SENP6: variants seen among roughly 807,000 people sequenced by gnomAD.
SENP6 encodes sentrin-specific protease 6.
Under a neutral mutation model 134.5 loss-of-function variants are expected in SENP6, and 41 were observed. The observed-to-expected ratio is 0.30, with a 90% CI of 0.24 to 0.40. SENP6 has a LOEUF of 0.40. Among genes scored for constraint, SENP6 ranks in the 10% least tolerant of loss-of-function variants. SENP6 has a pLI of 1.00. For synonymous variants in SENP6, 395 were observed against 429.8 expected (o/e 0.92, Z 1.00); for missense variants, 1,248 against 1,312.5 (o/e 0.95, Z 0.76).
chr6:75,710,343 A>G (rs1582912808), intron 20 of SENP6, among the ~76,000 whole-genome samples: 1 of 152,326 alleles, frequency 6.6e-6, no homozygotes, highest in Non-Finnish European at 1.5e-5. Context: ...ATCTGTGAAA[A>G]TACTTTACTT....
At chr6:75,615,224 A>G (rs1445000264) in intron 1 of SENP6, among the ~76,000 whole-genome samples, 2 of 150,936 alleles carry the variant, frequency 1.3e-5, no homozygotes, top group Non-Finnish European at 2.9e-5. Context: ...TGTGTCGCGC[A>G]GGCTGAAGTG....
chr6:75,699,354 C>CTTTTTT lies in SENP6; in HGVS notation c.2288+1852_2288+1857dup, dbSNP rs71544060. Among the ~76,000 whole-genome samples the CTTTTTT allele has an allele frequency of 5.0e-4, 57 of 115,004 alleles. 2 individuals are homozygous for CTTTTTT. The highest frequency in any genetic ancestry group is 1.0e-3 in the African/African-American group (32 of 31,176). The allele number at this position is 115,004 out of a possible 152,430, so 75.4% of individuals were successfully genotyped here. ...TCAAGAGAGCTTGTTTTTGTTTTTGCTTTTTTTTTTTTTTTTTTTTGAAGA... is the reference window on the plus strand; with the variant it reads ...TCAAGAGAGCTTGTTTTTGTTTTTGCTTTTTTTTTTTTTTTTTTTTTTTTTTGAAGA... On this transcript the variant is annotated intron_variant, in intron 18 of 23. Transcript: ENST00000447266.
chr6:75,678,744 T>C (rs1186615615), intron 15 of SENP6, 52 bp downstream of exon 15: 1 of 1,389,460 alleles, frequency 7.2e-7, no homozygotes, highest in Non-Finnish European at 1.0e-6. Context: ...TTCTCTGTTT[T>C]ATTACATTTC....
intron 1 of SENP6, among the ~76,000 whole-genome samples, chr6:75,605,276 C>CT (rs1266692815): frequency 2.6e-5 from 4 of 152,202 alleles, no homozygotes; most frequent in Non-Finnish European, 4.4e-5. Context: ...GCATCCTACT[C>CT]TAACAGTCAG....
At position 75,678,859 on chromosome 6, in the gene SENP6, C is replaced by A; in HGVS notation, c.2007C>A (p.Thr669=). The A allele has an allele frequency of 3.1e-6, 5 of 1,608,156 alleles. No homozygotes were observed. In the South Asian group the frequency reaches 5.5e-5, roughly 18 times the overall value. ...CAGCTAAGGGAGGCATCTCTGTTAC[C>A]AATGAGGACCTGCACTGTCTAAATG... is the stretch of plus-strand genomic sequence containing the variant. The part of the protein sequence containing the change: ...PPPAKGGISV[T]NEDLHCLNEG... The change falls in exon 16 of 24, where the codon ACC becomes ACA. Residue 669 remains threonine, a synonymous_variant. Transcript: ENST00000447266.
intron 7 of SENP6, among the ~76,000 whole-genome samples, chr6:75,654,785 C>T (rs1411290666): frequency 1.3e-5 from 2 of 152,188 alleles, no homozygotes; most frequent in Admixed American, 6.5e-5. Flanking sequence ...CTCTTCCTTA[C>T]CCTGCTTCTC....
At position 75,654,604 on chromosome 6, in the gene SENP6, A is replaced by G. The variant is rs73456917; in HGVS notation, c.551-4658A>G. 1.6e-3 allele frequency among the ~76,000 whole-genome samples: 250 copies of G among 152,288 alleles called. 2 individuals carry two copies. The highest frequency in any genetic ancestry group is 5.8e-3 in the African/African-American group (243 of 41,564). The stretch of plus-strand genomic sequence containing the variant: ...CAGTAGCAGCTACATGATGGAGAAA[A>G]CCATTTTTCTAGTTTGTCTTTCTCT... On this transcript the variant is annotated intron_variant, in intron 7 of 23. Transcript: ENST00000447266.
chr6:75,613,562 G>T (rs1383100398), intron 1 of SENP6, among the ~76,000 whole-genome samples: 1 of 151,914 alleles, frequency 6.6e-6, no homozygotes, highest in Non-Finnish European at 1.5e-5. Flanking sequence ...TAAAAAGGTG[G>T]ATATAACCTA....
At chr6:75,633,791 A>G (rs1769293064) in intron 4 of SENP6, 65 bp downstream of exon 4, 2 of 1,416,288 alleles carry the variant, frequency 1.4e-6, no homozygotes, top group Non-Finnish European at 1.9e-6. Flanking sequence ...CCAAAAACTT[A>G]GAAGCTAATA....
At chr6:75,679,230 A>G in intron 16 of SENP6, 1 of 239,870 alleles carries the variant, frequency 4.2e-6, no homozygotes, top group Non-Finnish European at 7.9e-6. Context: ...CCTGGGAAAC[A>G]AAGTGAGACC....
chr6:75,628,729 T>C (rs1264782713), intron 3 of SENP6, among the ~76,000 whole-genome samples: 1 of 152,224 alleles, frequency 6.6e-6, no homozygotes, highest in Non-Finnish European at 1.5e-5. Flanking sequence ...TACAATTCTT[T>C]TTTTATTTGA....
chr6:75,662,532 G>C (rs1459786734), intron 8 of SENP6, among the ~76,000 whole-genome samples: 2 of 152,132 alleles, frequency 1.3e-5, no homozygotes, highest in Non-Finnish European at 2.9e-5. Flanking sequence ...GCAGTATTGA[G>C]ATTCTAGTTT....
intron 1 of SENP6, chr6:75,620,762 G>C (rs1768211422): frequency 6.6e-6 from 1 of 152,210 alleles, no homozygotes; most frequent in Non-Finnish European, 1.5e-5. Flanking sequence ...GTTCTGTTTT[G>C]TTTTTCCCTA....
At chr6:75,711,506 T>C in intron 21 of SENP6, 90 bp downstream of exon 21, 1 of 778,212 alleles carries the variant, frequency 1.3e-6, no homozygotes, top group Non-Finnish European at 2.0e-6. Context: ...AAATAAATAC[T>C]TAAGCAAAAC....
At chr6:75,619,471 G>A (rs1007332798) in intron 1 of SENP6, among the ~76,000 whole-genome samples, 2 of 146,108 alleles carry the variant, frequency 1.4e-5, no homozygotes, top group African/African-American at 5.2e-5. Flanking sequence ...GTGTGTGTGT[G>A]TGTACATATG....
At chr6:75,607,166 A>G (rs1327704666) in intron 1 of SENP6, among the ~76,000 whole-genome samples, 1 of 152,032 alleles carries the variant, frequency 6.6e-6, no homozygotes, top group African/African-American at 2.4e-5. Flanking sequence ...TGAGCAACAT[A>G]GTGAGCCCGT....
rs1309323641 is a variant in SENP6 at position 75,707,524 on chromosome 6, G to A, written c.2717-2003G>A. On this transcript the variant is annotated intron_variant, in intron 19 of 23. Coordinates refer to ENST00000447266, the MANE Select transcript of SENP6 (RefSeq NM_015571.4). ...GACTATAGGCATGTGTCACCTGCCC[G>A]GCAAAATTTATTTTCTGTAGAGACG... Among the ~76,000 whole-genome samples, 5 of 151,112 alleles carry A rather than the reference G, an allele frequency of 3.3e-5. No individual in the cohort carries two copies. The South Asian group carries it at 6.3e-4, about 19-fold the overall frequency.
intron 7 of SENP6, among the ~76,000 whole-genome samples, chr6:75,653,353 A>T (rs918831332): frequency 6.6e-6 from 1 of 152,152 alleles, no homozygotes; most frequent in African/African-American, 2.4e-5. Flanking sequence ...AATGTTGTCA[A>T]ATAGTACATT....
At chr6:75,703,154 TA>T (rs1351575768) in intron 19 of SENP6, 82 bp downstream of exon 19, 282 of 1,187,576 alleles carry the variant, frequency 2.4e-4, no homozygotes, top group Admixed American at 5.7e-4. Context: ...GATCCTGTTT[TA>T]AAAAAAAATC....
Sources: allele counts gnomAD v4.1 joint callset (sites outside exome capture counted in the v4.1 genomes callset), GRCh38; gene constraint gnomAD v4.1.1; transcripts MANE v1.5; gene names NCBI Gene and HGNC (gene_info 2026-07-23, HGNC 2026-07-21).